The following HIGD1C variants were observed in gnomAD, a reference collection of about 807,000 sequenced individuals.
The protein encoded by HIGD1C is HIG1 hypoxia inducible domain family member 1C.
HIGD1C carries 11 observed loss-of-function variants against 13.1 expected under a neutral mutation model. The ratio of observed to expected loss-of-function variants is 0.84; its 90% CI spans 0.53 to 1.39. HIGD1C has a LOEUF of 1.39. Among genes scored for constraint, HIGD1C ranks in the 40% most tolerant of loss-of-function variants. HIGD1C has a pLI of 0.00. For missense variants in HIGD1C, 110 were observed against 112.0 expected (o/e 0.98, Z 0.08); for synonymous variants, 36 against 37.7 (o/e 0.95, Z 0.17).
chr12:50,971,096 T>G (rs774163907), downstream of HIGD1C, among the ~76,000 whole-genome samples: 1 of 152,114 alleles, frequency 6.6e-6, no homozygotes, highest in Non-Finnish European at 1.5e-5. Context: ...GCCAGGCTGG[T>G]CTCGAACTCC....
chr12:50,937,605 C>T, the HIGD1C span, among the ~76,000 whole-genome samples: 58 of 152,208 alleles, frequency 3.8e-4, no homozygotes, highest in Non-Finnish European at 6.5e-4. Flanking sequence ...TCCCACCATT[C>T]GGCGGGTCCC....
chr12:50,943,029 C>A, the HIGD1C span, among the ~76,000 whole-genome samples: 1 of 151,598 alleles, frequency 6.6e-6, no homozygotes, highest in East Asian at 2.0e-4. Flanking sequence ...CCACGCCCAG[C>A]TAATTTTTGT....
At chr12:50,940,214 T>C in the HIGD1C span, among the ~76,000 whole-genome samples, 13,442 of 152,222 alleles carry the variant, frequency 0.088, 866 homozygotes, top group African/African-American at 0.18. Context: ...GATATAAACA[T>C]GGTTTTCTAA....
intron 1 of HIGD1C, among the ~76,000 whole-genome samples, chr12:50,956,251 G>A (rs11169630): frequency 0.15 from 22,152 of 152,090 alleles, 1,846 homozygotes; most frequent in South Asian, 0.26. Context: ...AATTAGCTGG[G>A]TGTGGTGGCA....
the HIGD1C span, among the ~76,000 whole-genome samples, chr12:50,939,759 C>T: frequency 1.3e-5 from 2 of 152,122 alleles, no homozygotes; most frequent in Admixed American, 1.3e-4. Flanking sequence ...CATAAAACTG[C>T]CAGTGTTGAG....
chr12:50,945,683 C>A, the HIGD1C span, among the ~76,000 whole-genome samples: 1 of 152,110 alleles, frequency 6.6e-6, no homozygotes, highest in Non-Finnish European at 1.5e-5. Context: ...TCAATGCCAT[C>A]CCCATCAAGC....
the HIGD1C span, among the ~76,000 whole-genome samples, chr12:50,946,759 C>T: frequency 6.6e-6 from 1 of 152,086 alleles, no homozygotes; most frequent in African/African-American, 2.4e-5. Context: ...ATAAATCATG[C>T]TGCTATAAAG....
the HIGD1C span, among the ~76,000 whole-genome samples, chr12:50,933,152 G>A: frequency 6.6e-6 from 1 of 152,144 alleles, no homozygotes; most frequent in Non-Finnish European, 1.5e-5. Context: ...GTTTTTTACA[G>A]TCATTCCACA....
chr12:50,969,334 G>C (rs1365616071), intron 2 of HIGD1C, among the ~76,000 whole-genome samples: 1 of 151,922 alleles, frequency 6.6e-6, no homozygotes, highest in Non-Finnish European at 1.5e-5. Flanking sequence ...CAGATTTTGA[G>C]AGGCATGCTC....
At chr12:50,970,309 A>C in intron 2 of HIGD1C, 133 bp from the exon 5 acceptor site, 1 of 656,670 alleles carries the variant, frequency 1.5e-6, no homozygotes, top group Admixed American at 3.1e-5. Flanking sequence ...CAAACCAAAA[A>C]CTAGTAAGAA....
upstream of HIGD1C, among the ~76,000 whole-genome samples, chr12:50,952,479 G>T (rs1383650555): frequency 6.6e-6 from 1 of 152,100 alleles, no homozygotes. Flanking sequence ...GGTGAGCAAG[G>T]TGTTCTCCAA....
At chr12:50,957,682 C>A (rs7960373) in intron 1 of HIGD1C, among the ~76,000 whole-genome samples, 51 of 151,686 alleles carry the variant, frequency 3.4e-4, no homozygotes, top group African/African-American at 1.2e-3. Context: ...GTAAGGAGTT[C>A]GAGACCAGCC....
downstream of HIGD1C, among the ~76,000 whole-genome samples, chr12:50,972,031 G>C (rs922437453): frequency 1.3e-5 from 2 of 152,180 alleles, no homozygotes; most frequent in African/African-American, 4.8e-5. Flanking sequence ...AAATAGGCAA[G>C]GAAAGAATCC....
chr12:50,964,565 G>C (rs1939470310), intron 2 of HIGD1C, among the ~76,000 whole-genome samples: 2 of 152,208 alleles, frequency 1.3e-5, no homozygotes, highest in African/African-American at 4.8e-5. Flanking sequence ...GGTCCCTGCA[G>C]ACTAGATTAT....
chr12:50,934,835 A>T, the HIGD1C span: 3 of 152,220 alleles, frequency 2.0e-5, no homozygotes, highest in African/African-American at 7.2e-5. Flanking sequence ...TACTATTTCC[A>T]TCAGTTTCTT....
At chr12:50,960,933 G>C in intron 1 of HIGD1C, 35 bp from the exon 4 acceptor site, 1 of 1,529,196 alleles carries the variant, frequency 6.5e-7, no homozygotes, top group South Asian at 1.3e-5. Flanking sequence ...TCCTGCCTCA[G>C]CCTTCCAAAT....
intron 1 of HIGD1C, 83 bp from the exon 4 acceptor site, chr12:50,960,885 G>A: frequency 1.7e-6 from 2 of 1,197,588 alleles, no homozygotes; most frequent in Non-Finnish European, 2.3e-6. Context: ...TTGCTATGTT[G>A]CCCAGGCTGT....
chr12:50,948,160 C>T, the HIGD1C span, among the ~76,000 whole-genome samples: 2 of 152,226 alleles, frequency 1.3e-5, no homozygotes, highest in African/African-American at 2.4e-5. Context: ...ACCTTCCCTA[C>T]ATGATCACTT....
chr12:50,935,108 C>T, the HIGD1C span: 1 of 152,280 alleles, frequency 6.6e-6, no homozygotes, highest in South Asian at 2.1e-4. Context: ...GTTTAGAAAA[C>T]ACAGAACTTA....
Sources: gnomAD v4.1 joint callset for allele counts (sites outside exome capture counted in the v4.1 genomes callset) on GRCh38, gnomAD v4.1.1 for gene constraint, MANE v1.5 for transcripts, NCBI Gene and HGNC (gene_info 2026-07-23, HGNC 2026-07-21) for gene names.